The following LRRC3B variants were observed in gnomAD, a reference collection of about 807,000 sequenced individuals.
The protein encoded by LRRC3B is leucine rich repeat containing 3B.
Under a neutral mutation model 12.8 loss-of-function variants are expected in LRRC3B, and 2 were observed. The observed-to-expected ratio is 0.16, with a 90% CI of 0.06 to 0.49. The LOEUF is 0.49. Among genes scored for constraint, LRRC3B ranks in the 20% least tolerant of loss-of-function variants. LRRC3B has a pLI of 0.96. For missense variants in LRRC3B, 189 were observed against 319.4 expected (o/e 0.59, Z 3.11); for synonymous variants, 132 against 122.0 (o/e 1.08, Z -0.54).
chr3:26,637,593 C>A (rs1378312956), intron 1 of LRRC3B, among the ~76,000 whole-genome samples: 1 of 152,196 alleles, frequency 6.6e-6, no homozygotes, highest in Admixed American at 6.5e-5. Context: ...TAGCAGCCAT[C>A]TCTAGTAATA....
At chr3:26,641,042 T>A (rs1298445387) in intron 1 of LRRC3B, among the ~76,000 whole-genome samples, 2 of 152,170 alleles carry the variant, frequency 1.3e-5, no homozygotes, top group African/African-American at 4.8e-5. Context: ...GGTCTGGCAG[T>A]GCACAAAAAG....
intron 1 of LRRC3B, among the ~76,000 whole-genome samples, chr3:26,671,369 T>TAGAGAGAGAG (rs773929815): frequency 2.2e-3 from 84 of 38,194 alleles, no homozygotes; most frequent in East Asian, 4.6e-3. Flanking sequence ...TATATATATA[T>TAGAGAGAGAG]ATATAGAGAG....
chr3:26,709,445 A>G (rs1000083274), intron 1 of LRRC3B, 68 bp from the exon 2 acceptor site: 8 of 561,650 alleles, frequency 1.4e-5, no homozygotes, highest in African/African-American at 1.1e-4. Flanking sequence ...GACACCTGAG[A>G]ACACCTTTCA....
chr3:26,651,498 C>G (rs1559355380), intron 1 of LRRC3B, among the ~76,000 whole-genome samples: 1 of 152,140 alleles, frequency 6.6e-6, no homozygotes, highest in African/African-American at 2.4e-5. Flanking sequence ...CTGTTACTCT[C>G]TAAGTTTCAT....
At position 26,636,916 on chromosome 3, in the gene LRRC3B, C is replaced by T. The variant is rs796133969; in HGVS notation, c.-161+13679C>T. 4.6e-3 allele frequency among the ~76,000 whole-genome samples: 327 copies of T among 71,030 alleles called. 8 individuals are homozygous for T. The highest frequency in any genetic ancestry group is 0.016 in the Middle Eastern group (2 of 128). 46.6% of individuals were successfully genotyped at this position (71,030 alleles called of 152,430 possible). ...TCTCTCTCTCTCTTTCTCTCTTTCTCTCTTTCTTTCTTTCTTTCTTTCTTT... is the reference window on the plus strand; with the variant it reads ...TCTCTCTCTCTCTTTCTCTCTTTCTTTCTTTCTTTCTTTCTTTCTTTCTTT... On this transcript the variant is annotated intron_variant, in intron 1 of 1. Coordinates refer to ENST00000396641, the Ensembl canonical transcript of LRRC3B.
At chr3:26,650,106 A>G (rs1699235834) in intron 1 of LRRC3B, among the ~76,000 whole-genome samples, 2 of 152,098 alleles carry the variant, frequency 1.3e-5, no homozygotes, top group Admixed American at 6.6e-5. Flanking sequence ...TTCTCTCTCA[A>G]ACTTAATTAC....
At chr3:26,699,591 T>TA (rs935826603) in intron 1 of LRRC3B, among the ~76,000 whole-genome samples, 1 of 152,250 alleles carries the variant, frequency 6.6e-6, no homozygotes, top group East Asian at 1.9e-4. Context: ...GATATGTTTT[T>TA]AAAAAAATTG....
exon 2 of LRRC3B, chr3:26,710,456 C>G: frequency 6.4e-7 from 1 of 1,557,328 alleles, no homozygotes; most frequent in Non-Finnish European, 8.7e-7. Context: ...GGTATAGTGT[C>G]CAAACTGACT....
chr3:26,674,087 A>C (rs182288535), intron 1 of LRRC3B, among the ~76,000 whole-genome samples: 3 of 152,360 alleles, frequency 2.0e-5, no homozygotes, highest in Admixed American at 1.3e-4. Flanking sequence ...TTTTGAAACA[A>C]GCATACTCTG....
intron 1 of LRRC3B, among the ~76,000 whole-genome samples, chr3:26,680,151 G>T (rs934656227): frequency 6.6e-6 from 1 of 152,218 alleles, no homozygotes; most frequent in Non-Finnish European, 1.5e-5. Context: ...TGCAGATGCT[G>T]CTGGTCCACA....
intron 1 of LRRC3B, among the ~76,000 whole-genome samples, chr3:26,691,613 C>T (rs563283358): frequency 1.1e-3 from 163 of 152,262 alleles, no homozygotes; most frequent in Non-Finnish European, 2.0e-3. Context: ...AGGTGTCAGT[C>T]TTAGGTCATT....
rs529066996 is a variant in LRRC3B at position 26,646,598 on chromosome 3, TAAAAAAAAAAA to T, written c.-161+23389_-161+23399del. Among the ~76,000 whole-genome samples the T allele has an allele frequency of 1.1e-4, 11 of 99,654 alleles. No homozygotes were observed. The East Asian group carries it at 3.4e-3, about 31-fold the overall frequency. The allele number at this position is 99,654 out of a possible 152,430, so 65.4% of individuals were successfully genotyped here. A position where few individuals can be genotyped will look rare whatever the true frequency, so the allele number is the denominator to read the frequency against. On this transcript the variant is annotated intron_variant, in intron 1 of 1. Transcript: ENST00000396641. ...CCCAGAGGCCACTAAGGATAGGAGG[TAAAAAAAAAAA>T]AAAAAAAAAAAAAAAAAAAAAAAAA...
chr3:26,672,418 A>G (rs1260206288), intron 1 of LRRC3B, among the ~76,000 whole-genome samples: 1 of 152,184 alleles, frequency 6.6e-6, no homozygotes, highest in Non-Finnish European at 1.5e-5. Context: ...ATATCTCCTC[A>G]TAATTTCATG....
At chr3:26,707,621 T>G (rs1051177096) in intron 1 of LRRC3B, among the ~76,000 whole-genome samples, 32 of 152,328 alleles carry the variant, frequency 2.1e-4, no homozygotes, top group African/African-American at 7.2e-4. Flanking sequence ...ATATACTCAA[T>G]GGATGGAAAT....
At position 26,639,377 on chromosome 3, in the gene LRRC3B, C is replaced by T. The variant is rs965640765; in HGVS notation, c.-161+16140C>T. Among the ~76,000 whole-genome samples, 6 of 151,484 alleles carry T rather than the reference C, an allele frequency of 4.0e-5. No individual in the cohort carries two copies. In the South Asian group the frequency reaches 1.0e-3, roughly 26 times the overall value. On this transcript the variant is annotated intron_variant, in intron 1 of 1. Coordinates refer to ENST00000396641, the Ensembl canonical transcript of LRRC3B. ...TAAATTTTCATTAGAAATACTTGAC[C>T]TATATTTAGAGTTGATAAAATTTAC...
intron 1 of LRRC3B, among the ~76,000 whole-genome samples, chr3:26,670,786 G>C (rs1310463809): frequency 6.6e-6 from 1 of 152,038 alleles, no homozygotes; most frequent in African/African-American, 2.4e-5. Context: ...AATAGATTAG[G>C]AAAATGGAAA....
intron 1 of LRRC3B, among the ~76,000 whole-genome samples, chr3:26,663,669 G>T (rs1699540336): frequency 6.6e-6 from 1 of 152,098 alleles, no homozygotes; most frequent in Non-Finnish European, 1.5e-5. Flanking sequence ...TCTCAGTGTG[G>T]CTGTTTTAGT....
At chr3:26,709,412 C>A (rs879191901) in intron 1 of LRRC3B, 101 bp from the exon 2 acceptor site, 11 of 479,638 alleles carry the variant, frequency 2.3e-5, no homozygotes, top group Non-Finnish European at 4.1e-5. Flanking sequence ...CATAACTAAC[C>A]CCCCTGCTCA....
chr3:26,639,496 T>A (rs201704901), intron 1 of LRRC3B, among the ~76,000 whole-genome samples: 1 of 140,798 alleles, frequency 7.1e-6, no homozygotes, highest in South Asian at 2.3e-4. Flanking sequence ...TTAAATTAAA[T>A]TTAAATTAAA....
Sources: gnomAD v4.1 joint callset for allele counts (sites outside exome capture counted in the v4.1 genomes callset) on GRCh38, gnomAD v4.1.1 for gene constraint, MANE v1.5 for transcripts, NCBI Gene and HGNC (gene_info 2026-07-23, HGNC 2026-07-21) for gene names.